RPS6KC1: variants seen among roughly 807,000 people sequenced by gnomAD.
The protein encoded by RPS6KC1 is ribosomal protein S6 kinase C1, also known as inactive ribosomal protein S6 kinase delta-1.
In RPS6KC1, 54 loss-of-function variants were observed where a neutral mutation model predicts 103.8. The ratio of observed to expected loss-of-function variants is 0.52; its 90% CI spans 0.42 to 0.65. The LOEUF is 0.65. RPS6KC1 is among the 30% of genes least tolerant of loss of function. The pLI is 0.00. For synonymous variants in RPS6KC1, 439 were observed against 438.7 expected (o/e 1.00, Z -0.01); for missense variants, 1,151 against 1,253.8 (o/e 0.92, Z 1.24).
chr1:213,166,832 A>G (rs947721445), intron 6 of RPS6KC1, among the ~76,000 whole-genome samples: 4 of 152,218 alleles, frequency 2.6e-5, no homozygotes, highest in Non-Finnish European at 5.9e-5. Context: ...GAAGGGCAGG[A>G]ATGTAGCTTT....
chr1:213,636,746 A>G, the RPS6KC1 span, among the ~76,000 whole-genome samples: 2 of 152,216 alleles, frequency 1.3e-5, no homozygotes, highest in Admixed American at 6.5e-5. Flanking sequence ...AATGGCAACA[A>G]AAGCCAAAAT....
chr1:213,266,061 A>T (rs531309152), intron 14 of RPS6KC1, among the ~76,000 whole-genome samples: 1 of 152,236 alleles, frequency 6.6e-6, no homozygotes, highest in South Asian at 2.1e-4. Context: ...AGTACCTGGC[A>T]TGTGATAAGT....
chr1:213,575,449 T>C, the RPS6KC1 span, among the ~76,000 whole-genome samples: 1 of 152,184 alleles, frequency 6.6e-6, no homozygotes, highest in South Asian at 2.1e-4. Flanking sequence ...CCCTGAATCA[T>C]GGGGGCGGTT....
the RPS6KC1 span, among the ~76,000 whole-genome samples, chr1:213,384,012 C>T: frequency 2.0e-5 from 3 of 152,160 alleles, no homozygotes; most frequent in African/African-American, 4.8e-5. Context: ...CGTGGTGGCT[C>T]ACGCCTGTAA....
chr1:213,107,245 A>G (rs2082590574), intron 4 of RPS6KC1, among the ~76,000 whole-genome samples: 3 of 152,118 alleles, frequency 2.0e-5, no homozygotes, highest in Admixed American at 6.6e-5. Flanking sequence ...CCTGGCCAAC[A>G]TCCAATTTTA....
the RPS6KC1 span, among the ~76,000 whole-genome samples, chr1:213,415,564 C>T: frequency 5.9e-5 from 9 of 152,322 alleles, no homozygotes; most frequent in South Asian, 1.7e-3. Flanking sequence ...GCTTCACTTC[C>T]AGCCCCTCAA....
intron 8 of RPS6KC1, among the ~76,000 whole-genome samples, chr1:213,207,243 T>C (rs1178429770): frequency 2.0e-5 from 3 of 152,008 alleles, no homozygotes; most frequent in Non-Finnish European, 1.5e-5. Flanking sequence ...GTGGGGGAGA[T>C]TTGCATCCCT....
At chr1:213,593,411 A>C in the RPS6KC1 span, among the ~76,000 whole-genome samples, 1 of 152,350 alleles carries the variant, frequency 6.6e-6, no homozygotes, top group East Asian at 1.9e-4. Context: ...AGTCCAGGCC[A>C]GGGGAAAATG....
the RPS6KC1 span, among the ~76,000 whole-genome samples, chr1:213,662,970 C>G: frequency 6.6e-6 from 1 of 152,212 alleles, no homozygotes; most frequent in Non-Finnish European, 1.5e-5. Context: ...AATTTCCCAG[C>G]TAGAAGTAGC....
At chr1:213,573,509 CTT>C in the RPS6KC1 span, among the ~76,000 whole-genome samples, 1 of 152,220 alleles carries the variant, frequency 6.6e-6, no homozygotes, top group African/African-American at 2.4e-5. Context: ...GATCTGCACT[CTT>C]TATCTGGGGC....
At chr1:213,344,905 T>A in the RPS6KC1 span, among the ~76,000 whole-genome samples, 1 of 152,202 alleles carries the variant, frequency 6.6e-6, no homozygotes, top group Admixed American at 6.5e-5. Flanking sequence ...ATTGCATTCA[T>A]TGTTGTATTT....
At chr1:213,350,805 C>T in the RPS6KC1 span, among the ~76,000 whole-genome samples, 3 of 151,942 alleles carry the variant, frequency 2.0e-5, no homozygotes, top group Admixed American at 6.6e-5. Flanking sequence ...TTTCTTAGAA[C>T]ACAAACATAT....
At chr1:213,802,990 G>T in the RPS6KC1 span, among the ~76,000 whole-genome samples, 1 of 152,100 alleles carries the variant, frequency 6.6e-6, no homozygotes, top group Non-Finnish European at 1.5e-5. Flanking sequence ...CTGAGTAACG[G>T]CAACCTAACA....
intron 14 of RPS6KC1, among the ~76,000 whole-genome samples, chr1:213,271,444 G>A (rs572375561): frequency 2.0e-5 from 3 of 152,148 alleles, no homozygotes; most frequent in Non-Finnish European, 4.4e-5. Context: ...ACTGTAGATG[G>A]CATGAGGAAA....
the RPS6KC1 span, among the ~76,000 whole-genome samples, chr1:213,558,493 C>T: frequency 6.6e-6 from 1 of 152,200 alleles, no homozygotes; most frequent in African/African-American, 2.4e-5. Context: ...GAGCACAAAG[C>T]AACACTGTAG....
chr1:213,502,428 T>C, the RPS6KC1 span, among the ~76,000 whole-genome samples: 2 of 152,214 alleles, frequency 1.3e-5, no homozygotes, highest in Non-Finnish European at 2.9e-5. Flanking sequence ...ATTAATAAGA[T>C]ATAAAATGGA....
chr1:213,704,684 T>C, the RPS6KC1 span, among the ~76,000 whole-genome samples: 1 of 152,344 alleles, frequency 6.6e-6, no homozygotes, highest in East Asian at 1.9e-4. Flanking sequence ...TCTTGATACT[T>C]GTAAATGTTC....
At chr1:213,801,110 A>G in the RPS6KC1 span, among the ~76,000 whole-genome samples, 1 of 152,178 alleles carries the variant, frequency 6.6e-6, no homozygotes, top group South Asian at 2.1e-4. Context: ...ACCTCTCTTC[A>G]TCACCTGGCT....
chr1:213,134,367 C>T (rs1198173528), intron 6 of RPS6KC1, among the ~76,000 whole-genome samples: 1 of 151,676 alleles, frequency 6.6e-6, no homozygotes, highest in Non-Finnish European at 1.5e-5. Context: ...TACCTCCTTT[C>T]CTCTCCTCTT....
Sources: allele counts gnomAD v4.1 joint callset (sites outside exome capture counted in the v4.1 genomes callset), GRCh38; gene constraint gnomAD v4.1.1; transcripts MANE v1.5; gene names NCBI Gene and HGNC (gene_info 2026-07-23, HGNC 2026-07-21).